ASAP3: variants seen among roughly 807,000 people sequenced by gnomAD.
ASAP3 encodes the protein arf-GAP with SH3 domain, ANK repeat and PH domain-containing protein 3.
In ASAP3, 85 loss-of-function variants were observed where a neutral mutation model predicts 118.2. The observed-to-expected ratio is 0.72, with a 90% CI of 0.60 to 0.86. The LOEUF (loss-of-function observed/expected upper bound fraction) is 0.86. ASAP3 is among the 40% of genes least tolerant of loss of function. The pLI is 0.00. For missense variants in ASAP3, 1,026 were observed against 1,175.0 expected, an observed-to-expected ratio of 0.87 and a Z score of 1.85; for synonymous variants, 432 against 477.4, an observed-to-expected ratio of 0.90 and a Z score of 1.24.
chr1:23,481,679 C>T (rs1361972906), intron 1 of ASAP3, among the ~76,000 whole-genome samples: 1 of 152,218 alleles, frequency 6.6e-6, no homozygotes, highest in African/African-American at 2.4e-5. Flanking sequence ...CTGAACAGAG[C>T]CTGCTGTGGC....
chr1:23,475,514 T>C (rs916416070), intron 1 of ASAP3, among the ~76,000 whole-genome samples: 1 of 152,218 alleles, frequency 6.6e-6, no homozygotes, highest in Non-Finnish European at 1.5e-5. Context: ...TCTCTGGGAA[T>C]GACGCCAAGT....
chr1:23,458,355 G>A (rs763110949), intron 1 of ASAP3, among the ~76,000 whole-genome samples: 1 of 152,100 alleles, frequency 6.6e-6, no homozygotes, highest in African/African-American at 2.4e-5. Flanking sequence ...GGGTGTGGTG[G>A]GGTGCACCTG....
intron 1 of ASAP3, among the ~76,000 whole-genome samples, chr1:23,481,596 G>A (rs1338809625): frequency 1.3e-5 from 2 of 152,102 alleles, no homozygotes; most frequent in Admixed American, 6.5e-5. Flanking sequence ...GAACCTCTAC[G>A]TGCACCAAAC....
At chr1:23,444,258 T>A (rs1640975437) in intron 5 of ASAP3, among the ~76,000 whole-genome samples, 2 of 152,202 alleles carry the variant, frequency 1.3e-5, no homozygotes, top group Admixed American at 6.5e-5. Context: ...AGGTTGGCTG[T>A]TTTCCCTCTT....
intron 3 of ASAP3, among the ~76,000 whole-genome samples, chr1:23,455,004 C>T (rs1641336565): frequency 6.6e-6 from 1 of 152,186 alleles, no homozygotes; most frequent in Non-Finnish European, 1.5e-5. Flanking sequence ...AGGGAGGATG[C>T]TGGGTAGGAC....
intron 1 of ASAP3, among the ~76,000 whole-genome samples, chr1:23,456,769 G>A (rs1394297998): frequency 6.6e-6 from 1 of 152,184 alleles, no homozygotes; most frequent in African/African-American, 2.4e-5. Flanking sequence ...AGGACAAGGA[G>A]GAAGAGGCCA....
At chr1:23,449,280 G>A (rs1361445702) in intron 5 of ASAP3, among the ~76,000 whole-genome samples, 1 of 152,162 alleles carries the variant, frequency 6.6e-6, no homozygotes, top group East Asian at 1.9e-4. Context: ...TATGCACCGT[G>A]CTTATTCATC....
At chr1:23,477,214 G>A (rs887606724) in intron 1 of ASAP3, among the ~76,000 whole-genome samples, 1 of 151,114 alleles carries the variant, frequency 6.6e-6, no homozygotes, top group Non-Finnish European at 1.5e-5. Flanking sequence ...ACAGGGTTTC[G>A]CCACGTTGGC....
chr1:23,468,221 G>C (rs1641839747), intron 1 of ASAP3, among the ~76,000 whole-genome samples: 1 of 152,152 alleles, frequency 6.6e-6, no homozygotes, highest in Admixed American at 6.5e-5. Context: ...AATGGACCCA[G>C]ACCCTGAAGG....
intron 1 of ASAP3, among the ~76,000 whole-genome samples, chr1:23,479,268 G>A (rs775753060): frequency 2.5e-5 from 3 of 118,132 alleles, no homozygotes; most frequent in Admixed American, 9.4e-5. Context: ...CTGATCAGAT[G>A]TGCAGAGGGA....
At chr1:23,461,684 A>G (rs1245884102) in intron 1 of ASAP3, among the ~76,000 whole-genome samples, 1 of 152,032 alleles carries the variant, frequency 6.6e-6, no homozygotes. Flanking sequence ...CACAAAAAAA[A>G]AAAACAAAAG....
rs1240415847 is a variant in ASAP3 at position 23,441,676 on chromosome 1, C to A, written c.726G>T (p.Lys242Asn). 3.1e-6 allele frequency: 5 copies of A among 1,614,086 alleles called. No homozygotes were observed. The highest frequency in any genetic ancestry group is 2.5e-6 in the Non-Finnish European group (3 of 1,180,062). The change falls in exon 8 of 25, where the codon AAG (lysine) becomes AAT (asparagine). Residue 242 changes from lysine (K) to asparagine (N), a missense_variant. Lys to Asn is a moderately conservative substitution (Grantham distance 94). Transcript: ENST00000336689. ...TTACTGCATGTACTGAGGCCGCCAG[C>A]TTCTCGATGAAGGGGAACAGGCTCT... ...AAQSLFPFIE[K>N]LAASVHALHQ...
chr1:23,433,739 A>G lies in ASAP3; in HGVS notation c.1952-46T>C, dbSNP rs773959759. ...GGTTCATGGTCATAGTCAAAGAAAC[A>G]TTACAGCTTAGAGATTAAGACGGGC... is the stretch of plus-strand genomic sequence containing the variant. On this transcript the variant is annotated intron_variant, in intron 19 of 24. Coordinates refer to ENST00000336689, the MANE Select transcript of ASAP3 (RefSeq NM_017707.4). 8.1e-6 allele frequency: 13 copies of G among 1,611,820 alleles called. No individual in the cohort carries two copies. The East Asian group carries it at 2.9e-4, about 36-fold the overall frequency.
At chr1:23,446,987 A>T (rs1276122602) in intron 5 of ASAP3, among the ~76,000 whole-genome samples, 2 of 152,324 alleles carry the variant, frequency 1.3e-5, no homozygotes, top group East Asian at 3.9e-4. Flanking sequence ...TTAGATTCTC[A>T]TAAGGAGCAT....
rs1479970825 is a variant in ASAP3, at chr1:23,456,016, C to G, written c.213G>C (p.Glu71Asp). The G allele has an allele frequency of 2.5e-6, 4 of 1,614,136 alleles. No individual in the cohort carries two copies. Among genetic ancestry groups the G allele is most frequent in the Non-Finnish European group, 3.4e-6 (4 of 1,179,998 alleles). ...AIHSSGLGHV[E>D]NEEQYREAVE... ...CGGCCTCTCGGTACTGCTCTTCATT[C>G]TCCACATGGCCTGTGGAGGTACAGA... Residue 71 changes from glutamate (E) to aspartate (D), a missense_variant, in exon 3 of 25, where the codon GAG (glutamate) becomes GAC (aspartate). By Grantham distance (45) the Glu-to-Asp change is conservative. Coordinates refer to ENST00000336689, the MANE Select transcript of ASAP3 (RefSeq NM_017707.4).
chr1:23,442,359 C>A, intron 6 of ASAP3, 88 bp from the exon 7 acceptor site: 1 of 1,566,424 alleles, frequency 6.4e-7, no homozygotes, highest in East Asian at 2.3e-5. Flanking sequence ...CAGGCTAATC[C>A]TCCTGGCTGC....
At chr1:23,473,772 G>A (rs907331961) in intron 1 of ASAP3, among the ~76,000 whole-genome samples, 1 of 151,900 alleles carries the variant, frequency 6.6e-6, no homozygotes, top group Non-Finnish European at 1.5e-5. Context: ...GAAGACCCTC[G>A]GCCCCCTGTG....
At chr1:23,471,567 A>G (rs1641962282) in intron 1 of ASAP3, among the ~76,000 whole-genome samples, 1 of 152,208 alleles carries the variant, frequency 6.6e-6, no homozygotes, top group African/African-American at 2.4e-5. Flanking sequence ...CAATATAGAA[A>G]AGACAGCAAG....
Position 23,433,010 on chromosome 1 carries a change from G to A in ASAP3, c.2323+67C>T. The A allele has an allele frequency of 2.5e-6, 4 of 1,582,776 alleles. 1 individual carries two copies. In the South Asian group the frequency reaches 3.4e-5, roughly 13 times the overall value. ...CGGACTAACATATGCACTCAGCTCA[G>A]TGCCCCAGCATATACAGGTCCTCTG... On this transcript the variant is annotated intron_variant, in intron 22 of 24. Coordinates refer to ENST00000336689, the MANE Select transcript of ASAP3 (RefSeq NM_017707.4).
Sources: gnomAD v4.1 joint callset for allele counts (sites outside exome capture counted in the v4.1 genomes callset) on GRCh38, gnomAD v4.1.1 for gene constraint, MANE v1.5 for transcripts, NCBI Gene and HGNC (gene_info 2026-07-23, HGNC 2026-07-21) for gene names.